The following KDM4B variants were observed in gnomAD, a reference collection of about 807,000 sequenced individuals.
KDM4B encodes the protein lysine-specific demethylase 4B.
In KDM4B, 32 loss-of-function variants were observed where a neutral mutation model predicts 125.2. The observed-to-expected ratio is 0.26, with a 90% CI of 0.19 to 0.34. The LOEUF is 0.34. KDM4B is among the 10% of genes least tolerant of loss of function. The pLI is 1.00. For synonymous variants in KDM4B, 721 were observed against 677.9 expected (o/e 1.06, Z -0.99); for missense variants, 1,190 against 1,577.7 (o/e 0.75, Z 4.16).
At chr19:5,030,752 T>G (rs530814410) in intron 2 of KDM4B, among the ~76,000 whole-genome samples, 1 of 152,356 alleles carries the variant, frequency 6.6e-6, no homozygotes, top group African/African-American at 2.4e-5. Flanking sequence ...CCTCTGTGCC[T>G]CCTCAATAAG....
intron 7 of KDM4B, among the ~76,000 whole-genome samples, chr19:5,072,189 C>A (rs186553656): frequency 6.6e-6 from 1 of 152,254 alleles, no homozygotes; most frequent in African/African-American, 2.4e-5. Context: ...CTCTCTTCCC[C>A]CTTCCCATGG....
At chr19:5,076,018 C>T (rs1020693197) in intron 7 of KDM4B, 1 of 178,534 alleles carries the variant, frequency 5.6e-6, no homozygotes, top group Non-Finnish European at 1.2e-5. Flanking sequence ...AGAACATCAG[C>T]TCCGAGAGGA....
intron 1 of KDM4B, among the ~76,000 whole-genome samples, chr19:4,990,863 A>C (rs1032537140): frequency 1.2e-4 from 19 of 152,062 alleles, no homozygotes; most frequent in African/African-American, 4.6e-4. Context: ...GCTCACGCCT[A>C]TAATCCCAGC....
intron 1 of KDM4B, among the ~76,000 whole-genome samples, chr19:4,969,481 C>A (rs1358003134): frequency 8.7e-5 from 13 of 148,684 alleles, no homozygotes; most frequent in African/African-American, 3.2e-4. Flanking sequence ...GGGGCGCGCC[C>A]AGGGGCGGGA....
At chr19:5,135,935 G>A (rs964814771) in intron 15 of KDM4B, among the ~76,000 whole-genome samples, 1 of 152,208 alleles carries the variant, frequency 6.6e-6, no homozygotes, top group Non-Finnish European at 1.5e-5. Flanking sequence ...AAGGGGCACT[G>A]GGCTCATCCC....
In KDM4B at chr19:4,977,353, A is replaced by G. The variant is rs557673622; in HGVS notation, c.-109+8123A>G. On this transcript the variant is annotated intron_variant, in intron 1 of 22. Coordinates refer to ENST00000159111, the MANE Select transcript of KDM4B (RefSeq NM_015015.3). ...CGAGGGCTCTCAGGTGCACAGTGAC[A>G]GTCACTCACGCAGACCTGGCCCCGT... 1.3e-5 allele frequency among the ~76,000 whole-genome samples: 2 copies of G among 152,354 alleles called. 1 individual carries two copies. The highest frequency in any genetic ancestry group is 4.8e-5 in the African/African-American group (2 of 41,590).
At chr19:5,002,181 A>G (rs2035408036) in intron 1 of KDM4B, among the ~76,000 whole-genome samples, 1 of 152,086 alleles carries the variant, frequency 6.6e-6, no homozygotes, top group African/African-American at 2.4e-5. Flanking sequence ...TATTTTTAGT[A>G]GAGATAGGGT....
At chr19:5,049,778 G>A (rs895529164) in intron 6 of KDM4B, among the ~76,000 whole-genome samples, 4 of 152,108 alleles carry the variant, frequency 2.6e-5, no homozygotes, top group Non-Finnish European at 5.9e-5. Context: ...AGGGGCCCTG[G>A]TCACCCCGTG....
intron 1 of KDM4B, among the ~76,000 whole-genome samples, chr19:4,987,919 G>A (rs1851674103): frequency 6.6e-6 from 1 of 152,176 alleles, no homozygotes; most frequent in Non-Finnish European, 1.5e-5. Flanking sequence ...GTTGAATGTG[G>A]AGTGGGGAGA....
intron 1 of KDM4B, among the ~76,000 whole-genome samples, chr19:5,011,949 A>G (rs1405713221): frequency 6.6e-6 from 1 of 152,196 alleles, no homozygotes; most frequent in Admixed American, 6.5e-5. Context: ...AGGGGCTCAC[A>G]GAGCCAGCAC....
At chr19:5,073,351 G>A (rs553621343) in intron 7 of KDM4B, among the ~76,000 whole-genome samples, 1 of 152,380 alleles carries the variant, frequency 6.6e-6, no homozygotes, top group African/African-American at 2.4e-5. Flanking sequence ...GGGGATGCAG[G>A]CGCAGCCTGG....
intron 6 of KDM4B, among the ~76,000 whole-genome samples, chr19:5,058,574 T>A (rs1599525716): frequency 6.6e-6 from 1 of 151,814 alleles, no homozygotes; most frequent in African/African-American, 2.4e-5. Context: ...AGGGCCTGGG[T>A]GTGGTGGGAG....
chr19:5,045,654 T>C (rs1430501830), intron 5 of KDM4B, among the ~76,000 whole-genome samples: 1 of 152,180 alleles, frequency 6.6e-6, no homozygotes, highest in Non-Finnish European at 1.5e-5. Flanking sequence ...TTTGAATTTT[T>C]AGTAGCGATG....
At chr19:5,053,272 G>A (rs1339226230) in intron 6 of KDM4B, among the ~76,000 whole-genome samples, 3 of 152,222 alleles carry the variant, frequency 2.0e-5, no homozygotes, top group Non-Finnish European at 4.4e-5. Flanking sequence ...GAGCCGCTGC[G>A]GTGCCCTGGG....
rs574927204 is a variant in KDM4B, at chr19:5,020,433, C to G, written c.-26+4094C>G. On this transcript the variant is annotated intron_variant, in intron 2 of 22. Transcript: ENST00000159111. ...GGAATCGCGGGTCCAAGGGTACATTCTGTTTAGCCTTCTCAGGAATCGCCT... is the reference window on the plus strand; with the variant it reads ...GGAATCGCGGGTCCAAGGGTACATTGTGTTTAGCCTTCTCAGGAATCGCCT... Among the ~76,000 whole-genome samples the G allele has an allele frequency of 3.9e-5, 6 of 152,152 alleles. No homozygotes were observed. In the East Asian group the frequency reaches 7.7e-4, roughly 20 times the overall value.
chr19:4,978,619 G>A lies in KDM4B; in HGVS notation c.-109+9389G>A, dbSNP rs538374014. ...GAATTTTTTTGGCCCCTCTAGCCAC[G>A]GGTGTCCTGCGTACCCCAAAGGCAG... On this transcript the variant is annotated intron_variant, in intron 1 of 22. Coordinates refer to ENST00000159111, the MANE Select transcript of KDM4B (RefSeq NM_015015.3). 2.4e-4 allele frequency among the ~76,000 whole-genome samples: 37 copies of A among 151,790 alleles called. No homozygotes were observed. In the South Asian group the frequency reaches 7.7e-3, roughly 32 times the overall value.
Position 4,974,762 on chromosome 19 carries a change from C to A in KDM4B, c.-109+5532C>A, listed in dbSNP as rs1437523165. Among the ~76,000 whole-genome samples the A allele has an allele frequency of 4.6e-5, 7 of 151,840 alleles. 1 individual carries two copies. Among genetic ancestry groups the A allele is most frequent in the East Asian group, 3.9e-4 (2 of 5,146 alleles). On this transcript the variant is annotated intron_variant, in intron 1 of 22. Transcript: ENST00000159111. ...CCAAAAAAAAAAAAAAGAAGGTAGT[C>A]AAAGGAGTAAAAACCAAAACAAACA...
At chr19:5,137,229 C>G (rs1320730422) in intron 15 of KDM4B, 33 bp from the exon 16 acceptor site, 2 of 1,541,340 alleles carry the variant, frequency 1.3e-6, no homozygotes, top group South Asian at 1.2e-5. Context: ...TCACCTGCCC[C>G]CCAGATCTCA....
intron 1 of KDM4B, among the ~76,000 whole-genome samples, chr19:4,981,419 G>A (rs924979645): frequency 3.9e-5 from 6 of 152,158 alleles, no homozygotes; most frequent in East Asian, 1.9e-4. Context: ...CTGCTCCCGC[G>A]AATCCAGCCT....
Sources: allele counts gnomAD v4.1 joint callset (sites outside exome capture counted in the v4.1 genomes callset), GRCh38; gene constraint gnomAD v4.1.1; transcripts MANE v1.5; gene names NCBI Gene and HGNC (gene_info 2026-07-23, HGNC 2026-07-21).